The following NLRP12 variants were observed in gnomAD, a reference collection of about 807,000 sequenced individuals.
NLRP12 encodes the protein NLR family pyrin domain containing 12.
In NLRP12, 108 loss-of-function variants were observed where a neutral mutation model predicts 91.2. The observed-to-expected ratio is 1.18, with a 90% confidence interval of 1.01 to 1.39. The LOEUF (loss-of-function observed/expected upper bound fraction) is 1.39, where lower values mean the gene tolerates loss of function less well. Ranked by LOEUF, NLRP12 falls within the 40% of genes most tolerant of loss-of-function variation. The probability of loss-of-function intolerance (pLI) is 0.00; values close to 1 mark genes in which losing one functional copy is unlikely to be tolerated. For synonymous variants in NLRP12, 613 were observed against 566.7 expected (o/e 1.08, Z -1.16); for missense variants, 1,530 against 1,352.7 (o/e 1.13, Z -2.06).
rs202133847 is a variant in NLRP12, at chr19:53,810,476, C to T, written c.1183G>A (p.Glu395Lys). 8.7e-6 allele frequency: 14 copies of T among 1,614,098 alleles called. No homozygotes were observed. Among genetic ancestry groups the T allele is most frequent in the Non-Finnish European group, 1.2e-5 (14 of 1,180,024 alleles). Reference protein sequence around the residue: ...GQVFNYVRDNEPLFTMCFVPL... With the variant: ...GQVFNYVRDNKPLFTMCFVPL... ...ACGAAGCACATGGTGAAGAGAGGCTCGTTGTCCCTCACGTAATTGAAGACT... is the reference window on the plus strand; with the variant it reads ...ACGAAGCACATGGTGAAGAGAGGCTTGTTGTCCCTCACGTAATTGAAGACT... The change falls in exon 3 of 10, where the codon GAG (glutamate) becomes AAG (lysine). Residue 395 changes from glutamate (E) to lysine (K), a missense_variant. Glu to Lys is a moderately conservative substitution (Grantham distance 56, BLOSUM62 1). Coordinates refer to ENST00000324134, the MANE Select transcript of NLRP12 (RefSeq NM_144687.4).
intron 2 of NLRP12, among the ~76,000 whole-genome samples, chr19:53,814,509 AC>A (rs1422624571): frequency 3.9e-5 from 6 of 152,066 alleles, no homozygotes; most frequent in African/African-American, 1.2e-4. Context: ...GCTCCACCAC[AC>A]CCTGCTAATT....
At chr19:53,822,217 A>G (rs1486129649) in intron 1 of NLRP12, among the ~76,000 whole-genome samples, 1 of 152,150 alleles carries the variant, frequency 6.6e-6, no homozygotes, top group Non-Finnish European at 1.5e-5. Context: ...AAACCTGCAC[A>G]TGTACCCCTT....
intron 1 of NLRP12, among the ~76,000 whole-genome samples, chr19:53,819,627 G>GTA (rs2092233541): frequency 1.9e-5 from 1 of 53,186 alleles, no homozygotes; most frequent in Non-Finnish European, 4.0e-5. Context: ...ACGTATATAC[G>GTA]CGTATATATG....
At position 53,794,742 on chromosome 19, in the gene NLRP12, C is replaced by T. The variant is rs192058444; in HGVS notation, c.3099-606G>A. On this transcript the variant is annotated intron_variant, in intron 9 of 9. Transcript: ENST00000324134. ...AGTGCAGTGGCATGATCTCAGCTCACTGCAACCTCCGCCTCCTGGCTTCAA... is the reference window on the plus strand; with the variant it reads ...AGTGCAGTGGCATGATCTCAGCTCATTGCAACCTCCGCCTCCTGGCTTCAA... 1.7e-3 allele frequency among the ~76,000 whole-genome samples: 257 copies of T among 151,452 alleles called. 2 individuals are homozygous for T. The highest frequency in any genetic ancestry group is 5.8e-3 in the African/African-American group (241 of 41,212).
At position 53,811,282 on chromosome 19, in the gene NLRP12, T is replaced by G. The variant is rs377242049; in HGVS notation, c.377A>C (p.Gln126Pro). ...VSLVTPRKDP[Q>P]ETYRDYVRRK... is the part of the protein sequence containing the mutation. ...GCGGACATAGTCCCTGTAGGTTTCC[T>G]GGGGATCTAGGGGAGAGGAATGAAG... Residue 126 changes from glutamine to proline, a missense_variant, in exon 3 of 10, where the codon CAG becomes CCG. By Grantham distance (76) the Gln-to-Pro change is moderately conservative. Transcript: ENST00000324134. 6.2e-6 allele frequency: 10 copies of G among 1,613,782 alleles called. No individual in the cohort carries two copies. The highest frequency in any genetic ancestry group is 8.5e-6 in the Non-Finnish European group (10 of 1,179,994).
chr19:53,819,599 G>GTA (rs1568696366), intron 1 of NLRP12, among the ~76,000 whole-genome samples: 496 of 39,372 alleles, frequency 0.013, 93 homozygotes, highest in African/African-American at 0.018. Context: ...ACGTATATAC[G>GTA]CATATATATG....
intron 3 of NLRP12, chr19:53,808,289 G>A (rs2091995448): frequency 5.8e-6 from 1 of 173,600 alleles, no homozygotes; most frequent in Admixed American, 5.4e-5. Context: ...GGCTCTATCT[G>A]ACGCTCCTAA....
In NLRP12 at chr19:53,809,806, T is replaced by C; in HGVS notation, c.1853A>G (p.Tyr618Cys). The change falls in exon 3 of 10, where the codon TAC (tyrosine) becomes TGC (cysteine). Residue 618 changes from tyrosine to cysteine, a missense_variant. Transcript: ENST00000324134. The part of the protein sequence containing the change: ...QGSLEFFSCL[Y>C]EIQEEEFIQQ... ...GATAAACTCCTCCTCCTGGATCTCG[T>C]ACAAGCAGCTGAAGAACTCCAAGGA... 1 of 1,614,078 alleles carries C rather than the reference T, an allele frequency of 6.2e-7. No individual in the cohort carries two copies. The highest frequency in any genetic ancestry group is 1.3e-5 in the African/African-American group (1 of 75,040).
chr19:53,809,535 AAAAAAAC>A, intron 3 of NLRP12, 45 bp downstream of exon 3: 2 of 1,448,862 alleles, frequency 1.4e-6, no homozygotes, highest in Non-Finnish European at 9.3e-7. Flanking sequence ...AAAAAAAAAA[AAAAAAAC>A]ACACGAACCT....
intron 1 of NLRP12, among the ~76,000 whole-genome samples, chr19:53,819,666 TAC>T (rs68063096): frequency 0.62 from 24,845 of 39,924 alleles, 9,569 homozygotes; most frequent in African/African-American, 0.66. Context: ...TACACATGTA[TAC>T]ATATATGTAT....
In NLRP12 at chr19:53,793,962, A is replaced by T. The variant is rs2091697668; in HGVS notation, c.*87T>A. Reference sequence around the variant, plus strand: ...CTGCATGAGTCTGTCTCTAGGAAGGAGGCTGATCATTATGCTGGGGGGGTG... The same window carrying T: ...CTGCATGAGTCTGTCTCTAGGAAGGTGGCTGATCATTATGCTGGGGGGGTG... On this transcript the variant is annotated 3_prime_UTR_variant, in exon 10 of 10. Transcript: ENST00000324134. The T allele has an allele frequency of 2.2e-6, 2 of 905,896 alleles. No individual in the cohort carries two copies. Among genetic ancestry groups the T allele is most frequent in the Admixed American group, 3.4e-5 (2 of 58,310 alleles). 56.1% of individuals were successfully genotyped at this position (905,896 alleles called of 1,614,324 possible).
intron 8 of NLRP12, 131 bp from the exon 9 acceptor site, chr19:53,796,160 A>C: frequency 1.2e-6 from 1 of 820,384 alleles, no homozygotes; most frequent in South Asian, 1.4e-5. Context: ...TCCGCCTCCC[A>C]GGTTCAAGCG....
At chr19:53,804,192 C>T in intron 5 of NLRP12, 70 bp from the exon 6 acceptor site, 2 of 1,528,386 alleles carry the variant, frequency 1.3e-6, no homozygotes, top group East Asian at 4.6e-5. Flanking sequence ...CATGCTCCAG[C>T]CTGTTATTTT....
At chr19:53,801,583 G>T (rs950285938) in intron 6 of NLRP12, among the ~76,000 whole-genome samples, 186 bp from the exon 7 acceptor site, 6 of 149,932 alleles carry the variant, frequency 4.0e-5, no homozygotes, top group African/African-American at 1.5e-4. Context: ...CTCCTGAATC[G>T]CTGGGACTAC....
intron 8 of NLRP12, among the ~76,000 whole-genome samples, chr19:53,797,756 G>A (rs1347055536): frequency 1.6e-5 from 2 of 127,492 alleles, no homozygotes; most frequent in African/African-American, 5.6e-5. Flanking sequence ...TTTTTTTTTT[G>A]AGACAGAGTT....
At chr19:53,799,893 G>T (rs2091838431) in intron 7 of NLRP12, among the ~76,000 whole-genome samples, 1 of 152,128 alleles carries the variant, frequency 6.6e-6, no homozygotes, top group South Asian at 2.1e-4. Flanking sequence ...GCTGGGTGTA[G>T]TGGGTCACAC....
chr19:53,796,025 C>T lies in NLRP12; in HGVS notation c.2932G>A (p.Asp978Asn). 1.2e-6 allele frequency: 2 copies of T among 1,614,104 alleles called. No homozygotes were observed. Among genetic ancestry groups the T allele is most frequent in the South Asian group, 1.1e-5 (1 of 91,084 alleles). The change falls in exon 9 of 10, where the codon GAT (aspartate) becomes AAT (asparagine). Residue 978 changes from aspartate (D) to asparagine (N), a missense_variant. By Grantham distance (23) the Asp-to-Asn change is conservative. Transcript: ENST00000324134. ...GCCTTGGCTGTGAGGCCACAGCTAT[C>T]CAGCCTGGTGAAGATAAGGAGTTGG... ...PACRLQKLWL[D>N]SCGLTAKACE...
chr19:53,809,998 C>T lies in NLRP12; in HGVS notation c.1661G>A (p.Ser554Asn). The T allele has an allele frequency of 6.2e-7, 1 of 1,614,124 alleles. No homozygotes were observed. Among genetic ancestry groups the T allele is most frequent in the Middle Eastern group, 1.6e-4 (1 of 6,062 alleles). The change falls in exon 3 of 10, where the codon AGC becomes AAC. Residue 554 changes from serine (S) to asparagine (N), a missense_variant. Ser to Asn is a conservative substitution (Grantham distance 46, BLOSUM62 1). Transcript: ENST00000324134. ...LLTEYAFSER[S>N]FLALTSRFLF... Reference sequence around the variant, plus strand: ...GAAGCGGCTGGTGAGTGCCAGGAAGCTCCTTTCAGAAAACGCGTACTCGGT... The same window carrying T: ...GAAGCGGCTGGTGAGTGCCAGGAAGTTCCTTTCAGAAAACGCGTACTCGGT...
intron 9 of NLRP12, among the ~76,000 whole-genome samples, 188 bp from the exon 10 acceptor site, chr19:53,794,324 AT>A (rs796563330): frequency 0.024 from 3,530 of 145,388 alleles, 98 homozygotes; most frequent in African/African-American, 0.064. Flanking sequence ...TAACTGCATA[AT>A]TTTTTTTTTT....
Sources: gnomAD v4.1 joint callset for allele counts (sites outside exome capture counted in the v4.1 genomes callset) on GRCh38, gnomAD v4.1.1 for gene constraint, MANE v1.5 for transcripts, NCBI Gene and HGNC (gene_info 2026-07-23, HGNC 2026-07-21) for gene names.